Variants in SLC22A14 observed in about 807,000 individuals in gnomAD.
The protein encoded by SLC22A14 is organic cation transporter-like 4.
Under a neutral mutation model 53.9 loss-of-function variants are expected in SLC22A14, and 50 were observed. The ratio of observed to expected loss-of-function variants is 0.93; its 90% CI spans 0.74 to 1.17. SLC22A14 has a LOEUF of 1.17. Ranked by LOEUF, SLC22A14 falls within the 50% of genes most tolerant of loss-of-function variation. The pLI, the probability that SLC22A14 is intolerant of heterozygous loss-of-function variation, is 0.00. For missense variants in SLC22A14, 671 were observed against 734.7 expected, an observed-to-expected ratio of 0.91 and a Z score of 1.00; for synonymous variants, 312 against 303.0, an observed-to-expected ratio of 1.03 and a Z score of -0.31.
chr3:38,304,504 C>G (rs915665538), intron 1 of SLC22A14, among the ~76,000 whole-genome samples: 1 of 152,122 alleles, frequency 6.6e-6, no homozygotes, highest in African/African-American at 2.4e-5. Context: ...CCTCCCACCT[C>G]AGCCTCCCGA....
At position 38,313,141 on chromosome 3, in the gene SLC22A14, G is replaced by A. The variant is rs62242687; in HGVS notation, c.1065+22G>A. On this transcript the variant is annotated intron_variant, in intron 6 of 10. Coordinates refer to ENST00000448498, the MANE Select transcript of SLC22A14 (RefSeq NM_001320033.2). ...CGAGGTAAAGGGCTTCTGGCCAGGA[G>A]TGGGGCCGGAGCAGTGGGCTGTGGA... is the stretch of plus-strand genomic sequence containing the variant. 5.7e-3 allele frequency: 9,238 copies of A among 1,609,440 alleles called. 38 individuals carry two copies. The highest frequency in any genetic ancestry group is 7.1e-3 in the Non-Finnish European group (8,405 of 1,178,170).
chr3:38,282,414 G>C (rs1328779164), intron 1 of SLC22A14, 75 bp downstream of exon 1: 2 of 152,424 alleles, frequency 1.3e-5, no homozygotes, highest in African/African-American at 2.4e-5. Flanking sequence ...TAGAAATTAT[G>C]ATGACCCCTG....
chr3:38,312,718 A>C (rs1394715315), intron 5 of SLC22A14, among the ~76,000 whole-genome samples: 1 of 152,220 alleles, frequency 6.6e-6, no homozygotes, highest in African/African-American at 2.4e-5. Context: ...GAGAGCTCTC[A>C]GTGATTACTG....
chr3:38,284,148 C>G (rs1425562203), intron 1 of SLC22A14, among the ~76,000 whole-genome samples: 1 of 152,184 alleles, frequency 6.6e-6, no homozygotes, highest in Admixed American at 6.5e-5. Flanking sequence ...AGGCATCCCC[C>G]TCGTGTGACT....
At position 38,315,686 on chromosome 3, in the gene SLC22A14, G is replaced by T. The variant is rs114657493; in HGVS notation, c.1507G>T (p.Ala503Ser). 14 of 1,613,768 alleles carry T rather than the reference G, an allele frequency of 8.7e-6. No homozygotes were observed. The East Asian group carries it at 1.3e-4, about 15-fold the overall frequency. Reference sequence around the variant, plus strand: ...TGTCACTGTGTTCTTCCTCTACACCGCTGAGCTCCTCCCCACTGTGCTCAG... The same window carrying T: ...TGTCACTGTGTTCTTCCTCTACACCTCTGAGCTCCTCCCCACTGTGCTCAG... ...ATVTVFFLYT[A>S]ELLPTVLRAT... is the part of the protein sequence containing the mutation. Residue 503 changes from alanine to serine, a missense_variant, in exon 9 of 11, where the codon GCT becomes TCT. Physicochemically the swap from Ala to Ser is moderately conservative, Grantham distance 99 (BLOSUM62 1). Coordinates refer to ENST00000448498, the MANE Select transcript of SLC22A14 (RefSeq NM_001320033.2).
chr3:38,289,629 C>T (rs540343911), intron 1 of SLC22A14, among the ~76,000 whole-genome samples: 13 of 152,128 alleles, frequency 8.5e-5, no homozygotes, highest in Non-Finnish European at 1.8e-4. Flanking sequence ...GTGTTCAGCT[C>T]GATTAGGATG....
chr3:38,313,685 T>TGTGTGTGTGTGTTTGCGCGCGC, intron 7 of SLC22A14, 42 bp from the exon 8 acceptor site: 1 of 900,604 alleles, frequency 1.1e-6, no homozygotes, highest in Non-Finnish European at 1.8e-6. Context: ...TCCGTGTGTG[T>TGTGTGTGTGTGTTTGCGCGCGC]GCGCGCGTGT....
At chr3:38,283,836 AAAC>A (rs1004721749) in intron 1 of SLC22A14, among the ~76,000 whole-genome samples, 13 of 152,226 alleles carry the variant, frequency 8.5e-5, no homozygotes, top group African/African-American at 2.2e-4. Flanking sequence ...TCTCACAAAC[AAAC>A]AACAACAACA....
intron 10 of SLC22A14, among the ~76,000 whole-genome samples, chr3:38,317,093 C>T (rs1704643569): frequency 6.6e-6 from 1 of 152,220 alleles, no homozygotes; most frequent in African/African-American, 2.4e-5. Flanking sequence ...ATTGGCAGGA[C>T]CATTCCTTCT....
chr3:38,285,722 G>C (rs1703777093), intron 1 of SLC22A14, among the ~76,000 whole-genome samples: 1 of 152,158 alleles, frequency 6.6e-6, no homozygotes, highest in Admixed American at 6.5e-5. Context: ...TTTTTTCACA[G>C]TTGAAAAGTG....
In SLC22A14 at chr3:38,286,364, G is replaced by A. The variant is rs998440665; in HGVS notation, c.-1+4025G>A. 2.0e-5 allele frequency among the ~76,000 whole-genome samples: 3 copies of A among 152,052 alleles called. No individual in the cohort carries two copies. The South Asian group carries it at 6.2e-4, about 32-fold the overall frequency. On this transcript the variant is annotated intron_variant, in intron 1 of 10. Coordinates refer to ENST00000448498, the MANE Select transcript of SLC22A14 (RefSeq NM_001320033.2). The stretch of plus-strand genomic sequence containing the variant: ...ATCTTCACATGTTTGTAGGCCACAC[G>A]AGTTTCCTCTTCGTAAAATACCTGT...
At chr3:38,316,761 G>A (rs189822864) in intron 10 of SLC22A14, among the ~76,000 whole-genome samples, 14 of 152,274 alleles carry the variant, frequency 9.2e-5, no homozygotes, top group Admixed American at 2.0e-4. Context: ...GGGCCATGTC[G>A]TCTCCTTTCC....
At chr3:38,311,257 C>T (rs1704460687) in intron 5 of SLC22A14, among the ~76,000 whole-genome samples, 1 of 152,208 alleles carries the variant, frequency 6.6e-6, no homozygotes, top group South Asian at 2.1e-4. Flanking sequence ...CCTCTTTTGA[C>T]CTAGTTGTGT....
At chr3:38,283,653 A>G (rs1703723368) in intron 1 of SLC22A14, among the ~76,000 whole-genome samples, 2 of 152,174 alleles carry the variant, frequency 1.3e-5, no homozygotes, top group African/African-American at 4.8e-5. Flanking sequence ...AACATGGTGA[A>G]ACCCCATCTC....
chr3:38,306,604 T>G, intron 2 of SLC22A14, 62 bp downstream of exon 2: 2 of 1,446,552 alleles, frequency 1.4e-6, no homozygotes, highest in Non-Finnish European at 1.9e-6. Context: ...CCTCCCACCC[T>G]CACTGAATGG....
chr3:38,289,905 G>A (rs1357586508), intron 1 of SLC22A14, among the ~76,000 whole-genome samples: 2 of 152,214 alleles, frequency 1.3e-5, no homozygotes, highest in Non-Finnish European at 2.9e-5. Context: ...CAAAGGGAGG[G>A]GACCCAAAGG....
chr3:38,318,000 A>C (rs1704667670), intron 10 of SLC22A14, among the ~76,000 whole-genome samples, 198 bp from the exon 11 acceptor site: 1 of 152,200 alleles, frequency 6.6e-6, no homozygotes, highest in Admixed American at 6.5e-5. Flanking sequence ...AGAAAAGAGA[A>C]GGGTCTCGCA....
At chr3:38,280,888 C>G (rs1703654623), upstream of SLC22A14, among the ~76,000 whole-genome samples, 1 of 152,230 alleles carries the variant, frequency 6.6e-6, no homozygotes, top group Admixed American at 6.5e-5. Context: ...CCTCAGCCTC[C>G]CAAAGTGCTG....
intron 8 of SLC22A14, 64 bp downstream of exon 8, chr3:38,314,005 G>C (rs1348427158): frequency 4.8e-6 from 7 of 1,455,896 alleles, no homozygotes; most frequent in Non-Finnish European, 6.7e-6. Context: ...CCCCTCCCCA[G>C]TGCCGCCTGC....
Sources: allele counts gnomAD v4.1 joint callset (sites outside exome capture counted in the v4.1 genomes callset), GRCh38; gene constraint gnomAD v4.1.1; transcripts MANE v1.5; gene names NCBI Gene and HGNC (gene_info 2026-07-23, HGNC 2026-07-21).